Variants in CADPS2 observed in about 807,000 individuals in gnomAD.
The protein encoded by CADPS2 is calcium dependent secretion activator 2.
CADPS2 carries 93 observed loss-of-function variants against 172.5 expected under a neutral mutation model. The ratio of observed to expected loss-of-function variants is 0.54; its 90% CI spans 0.46 to 0.64. The LOEUF (loss-of-function observed/expected upper bound fraction) is 0.64. CADPS2 is among the 30% of genes least tolerant of loss of function. The pLI is 0.00. For synonymous variants in CADPS2, 546 were observed against 555.2 expected, an observed-to-expected ratio of 0.98 and a Z score of 0.23; for missense variants, 1,420 against 1,565.9, an observed-to-expected ratio of 0.91 and a Z score of 1.57.
intron 28 of CADPS2, chr7:122,332,137 C>G (rs775966901): frequency 2.3e-4 from 35 of 152,154 alleles, no homozygotes; most frequent in Admixed American, 9.2e-4. Flanking sequence ...TTAAATGTAT[C>G]TGTAAATCCA....
At chr7:122,604,997 A>G (rs928036305) in intron 6 of CADPS2, among the ~76,000 whole-genome samples, 4 of 152,150 alleles carry the variant, frequency 2.6e-5, no homozygotes, top group African/African-American at 7.2e-5. Context: ...GGTATAGCCA[A>G]TTGCTCCTGG....
chr7:122,602,744 A>T (rs1344065209), intron 6 of CADPS2, among the ~76,000 whole-genome samples: 1 of 152,114 alleles, frequency 6.6e-6, no homozygotes, highest in African/African-American at 2.4e-5. Context: ...CTGAGGACTT[A>T]CAAAGTGTTC....
chr7:122,392,883 C>G (rs2044559928), intron 22 of CADPS2, among the ~76,000 whole-genome samples: 1 of 152,072 alleles, frequency 6.6e-6, no homozygotes, highest in Non-Finnish European at 1.5e-5. Context: ...ATAAGGAGAA[C>G]TCTGATTATT....
chr7:122,477,052 AAGAG>A (rs541881529), intron 12 of CADPS2, among the ~76,000 whole-genome samples: 1,693 of 25,880 alleles, frequency 0.065, 112 homozygotes, highest in Middle Eastern at 0.11. Flanking sequence ...GGAGAGAGAG[AAGAG>A]AGAGAGAGAG....
At chr7:122,862,093 T>G (rs1300304736) in intron 1 of CADPS2, among the ~76,000 whole-genome samples, 2 of 152,152 alleles carry the variant, frequency 1.3e-5, no homozygotes, top group African/African-American at 4.8e-5. Context: ...TAATGACAAC[T>G]CTCAGCCTGC....
intron 3 of CADPS2, among the ~76,000 whole-genome samples, chr7:122,660,389 G>A (rs1478274066): frequency 2.6e-5 from 4 of 152,002 alleles, no homozygotes; most frequent in African/African-American, 9.7e-5. Context: ...TTAAAAAAAT[G>A]TATAAGCAGT....
chr7:122,803,196 G>C (rs775539705), intron 1 of CADPS2, among the ~76,000 whole-genome samples: 1 of 152,068 alleles, frequency 6.6e-6, no homozygotes, highest in Non-Finnish European at 1.5e-5. Flanking sequence ...AAGCCACACT[G>C]GAAATACACT....
intron 1 of CADPS2, among the ~76,000 whole-genome samples, chr7:122,873,890 T>C (rs1820501376): frequency 6.6e-6 from 1 of 152,232 alleles, no homozygotes. Flanking sequence ...CTCGTTGTGG[T>C]TTTGATTTGC....
intron 4 of CADPS2, among the ~76,000 whole-genome samples, chr7:122,628,965 G>C (rs1344324028): frequency 6.6e-6 from 1 of 151,404 alleles, no homozygotes; most frequent in Non-Finnish European, 1.5e-5. Context: ...TTCTAGATCT[G>C]GCAGTTTGAG....
chr7:122,606,383 A>C (rs762321979), intron 6 of CADPS2, among the ~76,000 whole-genome samples: 1 of 152,146 alleles, frequency 6.6e-6, no homozygotes, highest in Non-Finnish European at 1.5e-5. Flanking sequence ...ACATGTGCCT[A>C]TGTATTCCTG....
chr7:122,491,506 C>A, intron 9 of CADPS2, 86 bp from the exon 10 acceptor site: 2 of 620,670 alleles, frequency 3.2e-6, no homozygotes, highest in South Asian at 5.3e-5. Context: ...TACTCTTTTC[C>A]CAATTAAAAA....
At chr7:122,352,225 T>A (rs76045933) in intron 27 of CADPS2, among the ~76,000 whole-genome samples, 1 of 152,218 alleles carries the variant, frequency 6.6e-6, no homozygotes, top group South Asian at 2.1e-4. Context: ...TATTCATAAG[T>A]AGCAATCATA....
chr7:122,630,823 T>A (rs975323555), intron 3 of CADPS2, among the ~76,000 whole-genome samples: 1 of 152,130 alleles, frequency 6.6e-6, no homozygotes, highest in Non-Finnish European at 1.5e-5. Context: ...GTTTCCAAGT[T>A]GATTTTTAAA....
intron 8 of CADPS2, among the ~76,000 whole-genome samples, chr7:122,514,375 T>C (rs2060204766): frequency 6.6e-6 from 1 of 152,148 alleles, no homozygotes; most frequent in African/African-American, 2.4e-5. Flanking sequence ...GCTTAAGATT[T>C]TTAGACTTTC....
At chr7:122,338,275 T>C (rs1219956732) in intron 28 of CADPS2, among the ~76,000 whole-genome samples, 2 of 152,138 alleles carry the variant, frequency 1.3e-5, no homozygotes. Context: ...CACGCACCTG[T>C]AGTCCCAGCT....
At chr7:122,412,114 C>T (rs979252169) in intron 19 of CADPS2, among the ~76,000 whole-genome samples, 1 of 152,190 alleles carries the variant, frequency 6.6e-6, no homozygotes, top group Admixed American at 6.5e-5. Flanking sequence ...ATGCAAGCTA[C>T]TTGATGGTCA....
At chr7:122,716,362 C>G (rs1588687913) in intron 2 of CADPS2, among the ~76,000 whole-genome samples, 1 of 152,176 alleles carries the variant, frequency 6.6e-6, no homozygotes, top group South Asian at 2.1e-4. Context: ...AGGCCCACCC[C>G]CTTCTGCTAC....
At chr7:122,577,395 T>A (rs1242503567) in intron 7 of CADPS2, among the ~76,000 whole-genome samples, 1 of 152,118 alleles carries the variant, frequency 6.6e-6, no homozygotes, top group Non-Finnish European at 1.5e-5. Context: ...TCTACCCCTA[T>A]AATTTTCTAG....
intron 18 of CADPS2, among the ~76,000 whole-genome samples, chr7:122,415,384 C>G (rs2047765146): frequency 6.6e-6 from 1 of 152,042 alleles, no homozygotes; most frequent in Non-Finnish European, 1.5e-5. Flanking sequence ...GTCTTTGCCT[C>G]TTACCAGTTA....
Sources: allele counts gnomAD v4.1 joint callset (sites outside exome capture counted in the v4.1 genomes callset), GRCh38; gene constraint gnomAD v4.1.1; transcripts MANE v1.5; gene names NCBI Gene and HGNC (gene_info 2026-07-23, HGNC 2026-07-21).